The following EPS8 variants were observed in gnomAD, a reference collection of about 807,000 sequenced individuals.
EPS8 encodes EGFR pathway substrate 8, signaling adaptor, also known as epidermal growth factor receptor kinase substrate 8.
A neutral mutation model predicts 103.8 loss-of-function variants in EPS8; 42 were observed. That is an observed-to-expected ratio of 0.40 (90% CI 0.32 to 0.52). The LOEUF is 0.52. Ranked by LOEUF, EPS8 falls within the 20% of genes least tolerant of loss-of-function variation. The pLI is 0.40. For synonymous variants in EPS8, 344 were observed against 344.6 expected (o/e 1.00, Z 0.02); for missense variants, 969 against 1,005.1 (o/e 0.96, Z 0.49).
intron 1 of EPS8, among the ~76,000 whole-genome samples, chr12:15,699,153 C>T (rs1398283332): frequency 1.3e-5 from 2 of 152,150 alleles, no homozygotes; most frequent in African/African-American, 2.4e-5. Context: ...AAGACCTATT[C>T]CTAAAAGAAA....
intron 13 of EPS8, among the ~76,000 whole-genome samples, chr12:15,651,693 C>CT: frequency 6.6e-6 from 1 of 152,092 alleles, no homozygotes; most frequent in African/African-American, 2.4e-5. Context: ...AAAACGAGGG[C>CT]TTCATTTTTG....
chr12:15,784,970 T>C lies in EPS8; in HGVS notation c.-22+4191A>G, dbSNP rs907406657. Among the ~76,000 whole-genome samples, 2 of 152,088 alleles carry C rather than the reference T, an allele frequency of 1.3e-5. No individual in the cohort carries two copies. Among genetic ancestry groups the C allele is most frequent in the African/African-American group, 4.8e-5 (2 of 41,450 alleles). ...CTGGGAGAGGGGCTCACAGAGGTTA[T>C]GAGTGAAGCCCAGGGGATTTGTAAT... On this transcript the variant is annotated intron_variant, in intron 1 of 20. Coordinates refer to ENST00000281172, the MANE Select transcript of EPS8 (RefSeq NM_004447.6). This position sits in a 1 kb window ranked among gnomAD's most constrained non-coding sequence, Gnocchi z 4.0.
At position 15,696,018 on chromosome 12, in the gene EPS8, T is replaced by G. The variant is rs1946238704; in HGVS notation, c.-21-13046A>C. The stretch of plus-strand genomic sequence containing the variant: ...ACACAGACTGCATCAAACCTAGCTA[T>G]GAACTTCTCAAAAGTATGGGACTGA... On this transcript the variant is annotated intron_variant, in intron 1 of 20. Transcript: ENST00000281172. This position sits in a 1 kb window ranked among gnomAD's most constrained non-coding sequence, Gnocchi z 4.8. Among the ~76,000 whole-genome samples, 1 of 152,218 alleles carries G rather than the reference T, an allele frequency of 6.6e-6. No individual in the cohort carries two copies. The highest frequency in any genetic ancestry group is 1.5e-5 in the Non-Finnish European group (1 of 68,036).
At chr12:15,715,512 A>G (rs557086911) in intron 1 of EPS8, among the ~76,000 whole-genome samples, 1 of 151,048 alleles carries the variant, frequency 6.6e-6, no homozygotes, top group Admixed American at 6.6e-5. Flanking sequence ...CTCCTCCCGA[A>G]TAGCTGGGAC....
chr12:15,678,440 T>A (rs942536698), intron 3 of EPS8, among the ~76,000 whole-genome samples: 1 of 152,206 alleles, frequency 6.6e-6, no homozygotes, highest in African/African-American at 2.4e-5. Context: ...CTCTTCCCTA[T>A]AAATGCTTCT....
chr12:15,754,148 TTC>T (rs1269130649), intron 1 of EPS8, among the ~76,000 whole-genome samples: 1 of 152,154 alleles, frequency 6.6e-6, no homozygotes, highest in Non-Finnish European at 1.5e-5. Context: ...TTGGCATGAA[TTC>T]TCTCTGTCCC....
intron 1 of EPS8, among the ~76,000 whole-genome samples, chr12:15,763,437 A>C (rs1219251686): frequency 6.6e-6 from 1 of 152,222 alleles, no homozygotes. Context: ...AAAGAGCCTG[A>C]TCATTGCCTT....
At chr12:15,675,766 T>C (rs1225605716) in intron 3 of EPS8, among the ~76,000 whole-genome samples, 1 of 152,210 alleles carries the variant, frequency 6.6e-6, no homozygotes, top group Non-Finnish European at 1.5e-5. Context: ...AGAGATAAAA[T>C]GACTTTAAGC....
rs145510401 is a variant in EPS8 at position 15,711,732 on chromosome 12, G to A, written c.-21-28760C>T. On this transcript the variant is annotated intron_variant, in intron 1 of 20. Transcript: ENST00000281172. ...AAAAGCTGTATACAATATTTCTATGGGTAGTTAAAATTTGTGTAAATTGAT... is the reference window on the plus strand; with the variant it reads ...AAAAGCTGTATACAATATTTCTATGAGTAGTTAAAATTTGTGTAAATTGAT... Among the ~76,000 whole-genome samples, 205 of 152,180 alleles carry A rather than the reference G, an allele frequency of 1.3e-3. 2 individuals are homozygous for A. The highest frequency in any genetic ancestry group is 4.7e-3 in the African/African-American group (195 of 41,524).
chr12:15,700,975 C>A lies in EPS8; in HGVS notation c.-21-18003G>T, dbSNP rs1946304332. On this transcript the variant is annotated intron_variant, in intron 1 of 20. Transcript: ENST00000281172. This position sits in a 1 kb window ranked among gnomAD's most constrained non-coding sequence, Gnocchi z 5.1. ...GGAGAAAGGAGACTTTAAAAATAGT[C>A]AAAAATTGGTAATGTAAGGTATATT... 1.3e-5 allele frequency among the ~76,000 whole-genome samples: 2 copies of A among 152,036 alleles called. No homozygotes were observed. The highest frequency in any genetic ancestry group is 4.8e-5 in the African/African-American group (2 of 41,422).
intron 1 of EPS8, among the ~76,000 whole-genome samples, chr12:15,763,803 A>G (rs1947065619): frequency 6.6e-6 from 1 of 152,210 alleles, no homozygotes; most frequent in Non-Finnish European, 1.5e-5. Flanking sequence ...GAATGATTTC[A>G]CACACAGAAC....
Position 15,733,997 on chromosome 12 carries a change from C to T in EPS8, c.-21-51025G>A, listed in dbSNP as rs1946743170. On this transcript the variant is annotated intron_variant, in intron 1 of 20. Coordinates refer to ENST00000281172, the MANE Select transcript of EPS8 (RefSeq NM_004447.6). The surrounding 1 kb of genome is among the most constrained non-coding windows in gnomAD (Gnocchi z 4.8). ...CCTCAGCCTCCCAAGTCAGTGAGAC[C>T]CTCAGCTAATTTTTGTATTTTTTGT... Among the ~76,000 whole-genome samples, 1 of 151,812 alleles carries T rather than the reference C, an allele frequency of 6.6e-6. No individual in the cohort carries two copies. The highest frequency in any genetic ancestry group is 2.4e-5 in the African/African-American group (1 of 41,312).
At chr12:15,678,512 C>G (rs764355949) in intron 3 of EPS8, among the ~76,000 whole-genome samples, 8 of 152,120 alleles carry the variant, frequency 5.3e-5, no homozygotes, top group Non-Finnish European at 1.0e-4. Context: ...TGCTCATTTT[C>G]ATTACAGTAT....
chr12:15,769,470 ACAGTT>A lies in EPS8; in HGVS notation c.-22+19686_-22+19690del, dbSNP rs1171126342. 6.6e-6 allele frequency among the ~76,000 whole-genome samples: 1 copy of A among 152,232 alleles called. No homozygotes were observed. The highest frequency in any genetic ancestry group is 1.5e-5 in the Non-Finnish European group (1 of 68,038). ...TATGAAAAATAAGCAAACTAGCATT[ACAGTT>A]ATTACTCAACTTTGGAAAAATTACA... On this transcript the variant is annotated intron_variant, in intron 1 of 20. Coordinates refer to ENST00000281172, the MANE Select transcript of EPS8 (RefSeq NM_004447.6). The surrounding 1 kb of genome is among the most constrained non-coding windows in gnomAD (Gnocchi z 4.6).
Position 15,696,004 on chromosome 12 carries a change from A to C in EPS8, c.-21-13032T>G, listed in dbSNP as rs74726456. Among the ~76,000 whole-genome samples the C allele has an allele frequency of 0.011, 1,724 of 152,354 alleles. 37 individuals carry two copies. The highest frequency in any genetic ancestry group is 0.039 in the African/African-American group (1,620 of 41,576). The stretch of plus-strand genomic sequence containing the variant: ...TTATAAGGATACAAACACAGACTGC[A>C]TCAAACCTAGCTATGAACTTCTCAA... On this transcript the variant is annotated intron_variant, in intron 1 of 20. Transcript: ENST00000281172. The surrounding 1 kb of genome is among the most constrained non-coding windows in gnomAD (Gnocchi z 4.8).
Position 15,641,159 on chromosome 12 carries a change from A to T in EPS8, c.1678-313T>A, listed in dbSNP as rs187923757. 2.8e-3 allele frequency among the ~76,000 whole-genome samples: 433 copies of T among 152,260 alleles called. 3 individuals are homozygous for T. Among genetic ancestry groups the T allele is most frequent in the African/African-American group, 0.01 (421 of 41,562 alleles). On this transcript the variant is annotated intron_variant, in intron 16 of 20. Coordinates refer to ENST00000281172, the MANE Select transcript of EPS8 (RefSeq NM_004447.6). ...TAAAATGACTCTTTTGGAAAGCCCC[A>T]TTGTCTCCATTTTGGTGATAGAAAG...
intron 1 of EPS8, among the ~76,000 whole-genome samples, chr12:15,788,906 C>CCCAG (rs1947338639): frequency 6.6e-6 from 1 of 152,176 alleles, no homozygotes; most frequent in Admixed American, 6.5e-5. Flanking sequence ...ACCCTCCCTG[C>CCCAG]CCAGCCTCCC....
At chr12:15,683,880 A>T (rs558972842) in intron 1 of EPS8, 3 of 152,150 alleles carry the variant, frequency 2.0e-5, no homozygotes, top group Non-Finnish European at 4.4e-5. Flanking sequence ...GTCTTTTCAA[A>T]TATATTATAT....
In EPS8 at chr12:15,704,027, A is replaced by G. The variant is rs10846234; in HGVS notation, c.-21-21055T>C. On this transcript the variant is annotated intron_variant, in intron 1 of 20. Coordinates refer to ENST00000281172, the MANE Select transcript of EPS8 (RefSeq NM_004447.6). This position sits in a 1 kb window ranked among gnomAD's most constrained non-coding sequence, Gnocchi z 4.6. ...AATTATTAGTTACACAAGAAATCCA[A>G]TGAAGCTATCTTCATCCTATTTTAG... 0.68 allele frequency among the ~76,000 whole-genome samples: 103,858 copies of G among 151,792 alleles called. 37,834 individuals are homozygous for G. Among genetic ancestry groups the G allele is most frequent in the East Asian group, 0.86 (4,446 of 5,162 alleles).
Sources: gnomAD v4.1 joint callset for allele counts (sites outside exome capture counted in the v4.1 genomes callset) on GRCh38, gnomAD v4.1.1 for gene constraint, Gnocchi (gnomAD v3.1) non-coding constraint, MANE v1.5 for transcripts, NCBI Gene and HGNC (gene_info 2026-07-23, HGNC 2026-07-21) for gene names.